The following ZBTB16 variants were observed in gnomAD, a reference collection of about 807,000 sequenced individuals.
ZBTB16 encodes the protein zinc finger and BTB domain-containing protein 16.
ZBTB16 carries 8 observed loss-of-function variants against 56.8 expected under a neutral mutation model. The observed-to-expected ratio is 0.14, with a 90% CI of 0.08 to 0.25. The LOEUF (loss-of-function observed/expected upper bound fraction) is 0.25, where lower values mean the gene tolerates loss of function less well. Among genes scored for constraint, ZBTB16 ranks in the 10% least tolerant of loss-of-function variants. ZBTB16 has a pLI of 1.00. For missense variants in ZBTB16, 625 were observed against 903.0 expected (o/e 0.69, Z 3.95); for synonymous variants, 363 against 368.5 (o/e 0.98, Z 0.17).
chr11:114,223,433 C>T (rs1192479487), intron 4 of ZBTB16, among the ~76,000 whole-genome samples: 1 of 152,116 alleles, frequency 6.6e-6, no homozygotes, highest in Non-Finnish European at 1.5e-5. Flanking sequence ...AGCATGTTTA[C>T]TTGAGTTGAA....
At chr11:114,171,971 AGAAG>A (rs1377854236) in intron 3 of ZBTB16, among the ~76,000 whole-genome samples, 30 of 152,254 alleles carry the variant, frequency 2.0e-4, no homozygotes, top group African/African-American at 6.3e-4. Context: ...ACCCTGCCTG[AGAAG>A]GAAGGAAAGG....
At position 114,063,445 on chromosome 11, in the gene ZBTB16, C is replaced by T; in HGVS notation, c.145C>T (p.Arg49Trp). 1.2e-6 allele frequency: 2 copies of T among 1,614,190 alleles called. No homozygotes were observed. Among genetic ancestry groups the T allele is most frequent in the South Asian group, 1.1e-5 (1 of 91,082 alleles). ...MVDSQEFHAH[R>W]TVLACTSKMF... is the part of the protein sequence containing the mutation. ...GGACAGCCAGGAGTTCCACGCCCAC[C>T]GGACGGTGCTGGCCTGCACCAGCAA... The change falls in exon 2 of 7, where the codon CGG (arginine) becomes TGG (tryptophan). Residue 49 changes from arginine (R) to tryptophan (W), a missense_variant. This residue lies in a region of ZBTB16 where 54 missense variants were observed against 159.4 expected (regional missense o/e 0.34). Coordinates refer to ENST00000335953, the MANE Select transcript of ZBTB16 (RefSeq NM_006006.6). The surrounding 1 kb of genome is among the most constrained non-coding windows in gnomAD (Gnocchi z 6.5).
intron 2 of ZBTB16, among the ~76,000 whole-genome samples, chr11:114,130,742 AG>A (rs1941637974): frequency 6.6e-6 from 1 of 152,208 alleles, no homozygotes; most frequent in Admixed American, 6.5e-5. Flanking sequence ...AGATGCTTTC[AG>A]CTGAGAGTTG....
At chr11:114,128,954 G>C (rs1308760538) in intron 2 of ZBTB16, among the ~76,000 whole-genome samples, 1 of 152,202 alleles carries the variant, frequency 6.6e-6, no homozygotes, top group African/African-American at 2.4e-5. Context: ...AAGAAGGAAA[G>C]GGACAGAGAC....
rs138263552 is a variant in ZBTB16, at chr11:114,230,459, T to A, written c.1454-11708T>A. The stretch of plus-strand genomic sequence containing the variant: ...AACAGTATCTGTCTGCACTTTTCCC[T>A]TTTTGGCTATTGTGTGCCGTACAGT... On this transcript the variant is annotated intron_variant, in intron 4 of 6. Transcript: ENST00000335953. 3.4e-3 allele frequency among the ~76,000 whole-genome samples: 519 copies of A among 152,214 alleles called. 1 individual carries two copies. The highest frequency in any genetic ancestry group is 0.012 in the African/African-American group (503 of 41,524).
chr11:114,068,878 G>T (rs910363364), intron 2 of ZBTB16, among the ~76,000 whole-genome samples: 2 of 152,178 alleles, frequency 1.3e-5, no homozygotes, highest in African/African-American at 4.8e-5. Context: ...AGATTGCAGG[G>T]AACAGTATAG....
At chr11:114,249,728 G>A (rs1465446770) in intron 6 of ZBTB16, among the ~76,000 whole-genome samples, 1 of 129,852 alleles carries the variant, frequency 7.7e-6, no homozygotes, top group Non-Finnish European at 1.5e-5. Flanking sequence ...TTGCGCCACT[G>A]CAGTCCGCAG....
chr11:114,154,186 G>C (rs1942346705), intron 2 of ZBTB16, among the ~76,000 whole-genome samples: 1 of 152,216 alleles, frequency 6.6e-6, no homozygotes, highest in Non-Finnish European at 1.5e-5. Flanking sequence ...GCCTGGTGGT[G>C]GCTCCCAAAT....
intron 4 of ZBTB16, among the ~76,000 whole-genome samples, chr11:114,216,634 A>G (rs1305610292): frequency 6.6e-6 from 1 of 152,212 alleles, no homozygotes; most frequent in African/African-American, 2.4e-5. Context: ...TGCAGCATAT[A>G]CACATTTCTC....
chr11:114,119,266 A>G (rs1264155610), intron 2 of ZBTB16, among the ~76,000 whole-genome samples: 335 of 28,154 alleles, frequency 0.012, no homozygotes, highest in Non-Finnish European at 0.022. Context: ...CTCTGTCTCA[A>G]AAAAAAAAAA....
At chr11:114,122,214 T>C (rs1021938688) in intron 2 of ZBTB16, among the ~76,000 whole-genome samples, 2 of 152,224 alleles carry the variant, frequency 1.3e-5, no homozygotes, top group Admixed American at 1.3e-4. Context: ...AATAGATCTA[T>C]GGCTCAGGAA....
At chr11:114,092,130 A>G (rs1290068320) in intron 2 of ZBTB16, among the ~76,000 whole-genome samples, 1 of 152,146 alleles carries the variant, frequency 6.6e-6, no homozygotes, top group Admixed American at 6.5e-5. Flanking sequence ...TCTTTTATTT[A>G]CAGTGCTCTC....
chr11:114,063,815 C>T lies in ZBTB16; in HGVS notation c.515C>T (p.Ala172Val). The T allele has an allele frequency of 6.2e-7, 1 of 1,614,158 alleles. No individual in the cohort carries two copies. Among genetic ancestry groups the T allele is most frequent in the Non-Finnish European group, 8.5e-7 (1 of 1,180,030 alleles). The change falls in exon 2 of 7, where the codon GCT becomes GTT. Residue 172 changes from alanine (A) to valine (V), a missense_variant. Transcript: ENST00000335953. This position sits in a 1 kb window ranked among gnomAD's most constrained non-coding sequence, Gnocchi z 6.5. ...GAGGAGAGTGGGTATGCCAGTGTGG[C>T]TGGACAGAGCCTCCCTGGGCCCATG... is the stretch of plus-strand genomic sequence containing the variant. ...SSEESGYASV[A>V]GQSLPGPMVD...
intron 4 of ZBTB16, among the ~76,000 whole-genome samples, chr11:114,235,216 G>T (rs1272424573): frequency 6.6e-6 from 1 of 152,136 alleles, no homozygotes; most frequent in African/African-American, 2.4e-5. Flanking sequence ...CCCCTCCGGG[G>T]TACATGTGCA....
chr11:114,130,342 A>C (rs952671743), intron 2 of ZBTB16, among the ~76,000 whole-genome samples: 2 of 152,184 alleles, frequency 1.3e-5, no homozygotes, highest in Non-Finnish European at 2.9e-5. Context: ...TGCACCCTGC[A>C]GGGTGGAGGG....
chr11:114,148,233 C>G (rs573844413), intron 2 of ZBTB16, among the ~76,000 whole-genome samples: 5 of 152,074 alleles, frequency 3.3e-5, no homozygotes, highest in Non-Finnish European at 7.4e-5. Flanking sequence ...ATTGTCCTTC[C>G]TCATATTTTC....
chr11:114,144,484 T>A (rs765828204), intron 2 of ZBTB16, among the ~76,000 whole-genome samples: 26 of 152,052 alleles, frequency 1.7e-4, no homozygotes, highest in Admixed American at 3.3e-4. Flanking sequence ...TTGCAAGGAG[T>A]CTGTGTAGAA....
At position 114,060,961 on chromosome 11, in the gene ZBTB16, C is replaced by T. The variant is rs1190225205; in HGVS notation, c.-91+1079C>T. Among the ~76,000 whole-genome samples the T allele has an allele frequency of 6.6e-6, 1 of 152,056 alleles. No individual in the cohort carries two copies. The highest frequency in any genetic ancestry group is 1.5e-5 in the Non-Finnish European group (1 of 67,976). On this transcript the variant is annotated intron_variant, in intron 1 of 6. Coordinates refer to ENST00000335953, the MANE Select transcript of ZBTB16 (RefSeq NM_006006.6). The surrounding 1 kb of genome is among the most constrained non-coding windows in gnomAD (Gnocchi z 6.0). Reference sequence around the variant, plus strand: ...CTTCCCCTTCGCCGCGGGGCGGGTCCGCCTCCCCTGCCGCTCTCGCCGCGG... The same window carrying T: ...CTTCCCCTTCGCCGCGGGGCGGGTCTGCCTCCCCTGCCGCTCTCGCCGCGG...
chr11:114,145,757 A>C (rs1003654688), intron 2 of ZBTB16, among the ~76,000 whole-genome samples: 5 of 152,180 alleles, frequency 3.3e-5, no homozygotes, highest in African/African-American at 7.2e-5. Flanking sequence ...GCTACAAACC[A>C]GTGAATGGTA....
Sources: gnomAD v4.1 joint callset for allele counts (sites outside exome capture counted in the v4.1 genomes callset) on GRCh38, gnomAD v4.1.1 for gene constraint, gnomAD v4.1.1 regional missense constraint, Gnocchi (gnomAD v3.1) non-coding constraint, MANE v1.5 for transcripts, NCBI Gene and HGNC (gene_info 2026-07-23, HGNC 2026-07-21) for gene names.